Variants in XKR4 observed in about 807,000 individuals in gnomAD.
The protein encoded by XKR4 is XK-related protein 4.
In XKR4, 12 loss-of-function variants were observed where a neutral mutation model predicts 53.9. The observed-to-expected ratio is 0.22, with a 90% CI of 0.14 to 0.36. The LOEUF (loss-of-function observed/expected upper bound fraction) is 0.36. XKR4 is among the 10% of genes least tolerant of loss of function. XKR4 has a pLI of 1.00. For missense variants in XKR4, 799 were observed against 859.5 expected (o/e 0.93, Z 0.88); for synonymous variants, 354 against 362.4 (o/e 0.98, Z 0.26).
Position 55,541,994 on chromosome 8 carries a change from C to T in XKR4, c.*17767C>T, listed in dbSNP as rs1002092610. 3 of 151,348 alleles carry T rather than the reference C, an allele frequency of 2.0e-5. No homozygotes were observed. Among genetic ancestry groups the T allele is most frequent in the African/African-American group, 7.3e-5 (3 of 41,156 alleles). 9.4% of individuals were successfully genotyped at this position (151,348 alleles called of 1,614,324 possible). A position where few individuals can be genotyped will look rare whatever the true frequency, so the allele number is the denominator to read the frequency against. ...GTAGTACTTCATAATGAACAAATTT[C>T]CTTGGTTACATGGTTTTTCTTGTAA... On this transcript the variant is annotated 3_prime_UTR_variant, in exon 3 of 3. Coordinates refer to ENST00000327381, the MANE Select transcript of XKR4 (RefSeq NM_052898.2).
rs907444783 is a variant in XKR4 at position 55,530,183 on chromosome 8, G to A, written c.*5956G>A. 6.8e-6 allele frequency: 1 copy of A among 146,786 alleles called. No homozygotes were observed. The highest frequency in any genetic ancestry group is 1.5e-5 in the Non-Finnish European group (1 of 67,442). The allele number at this position is 146,786 out of a possible 1,614,324, so 9.1% of individuals were successfully genotyped here. On this transcript the variant is annotated 3_prime_UTR_variant, in exon 3 of 3. Coordinates refer to ENST00000327381, the MANE Select transcript of XKR4 (RefSeq NM_052898.2). Reference sequence around the variant, plus strand: ...AGGAAGGAAGGAAGGAAGGAAGGAAGGAAGGAAGGAAGGAAGGAAGGAAGG... The same window carrying A: ...AGGAAGGAAGGAAGGAAGGAAGGAAAGAAGGAAGGAAGGAAGGAAGGAAGG...
chr8:55,147,460 A>C (rs1816785478), intron 1 of XKR4, among the ~76,000 whole-genome samples: 1 of 152,160 alleles, frequency 6.6e-6, no homozygotes, highest in South Asian at 2.1e-4. Flanking sequence ...CTCTTTCAGT[A>C]ATTATGCCTT....
chr8:55,211,829 C>T (rs1817735876), intron 1 of XKR4, among the ~76,000 whole-genome samples: 1 of 152,170 alleles, frequency 6.6e-6, no homozygotes, highest in African/African-American at 2.4e-5. Flanking sequence ...TATTCTCAAG[C>T]AAATATGAGG....
chr8:55,525,010 A>G lies in XKR4; in HGVS notation c.*783A>G, dbSNP rs1806862677. 1 of 152,694 alleles carries G rather than the reference A, an allele frequency of 6.5e-6. No homozygotes were observed. The highest frequency in any genetic ancestry group is 2.1e-4 in the South Asian group (1 of 4,832). The allele number at this position is 152,694 out of a possible 1,614,324, so 9.5% of individuals were successfully genotyped here. The stretch of plus-strand genomic sequence containing the variant: ...ACTTCATGATGTAAATTAAATAGTA[A>G]TCATGATTCAGTATTCAATTGCAAA... On this transcript the variant is annotated 3_prime_UTR_variant, in exon 3 of 3. Coordinates refer to ENST00000327381, the MANE Select transcript of XKR4 (RefSeq NM_052898.2).
intron 1 of XKR4, among the ~76,000 whole-genome samples, chr8:55,155,751 G>A (rs137962191): frequency 0.012 from 1,819 of 152,110 alleles, 31 homozygotes; most frequent in Non-Finnish European, 0.016. Context: ...TTAGAATATC[G>A]GGGACAAAGA....
chr8:55,506,062 A>C (rs1806521962), intron 2 of XKR4, among the ~76,000 whole-genome samples: 1 of 152,244 alleles, frequency 6.6e-6, no homozygotes, highest in Admixed American at 6.5e-5. Flanking sequence ...AGTAGCCACC[A>C]TTTTATAACT....
At chr8:55,365,901 T>C (rs1585540497) in intron 2 of XKR4, among the ~76,000 whole-genome samples, 1 of 152,054 alleles carries the variant, frequency 6.6e-6, no homozygotes, top group Admixed American at 6.5e-5. Context: ...TGAGGAGTGC[T>C]GGGTGACAGA....
chr8:55,254,609 C>T (rs1218790916), intron 1 of XKR4, among the ~76,000 whole-genome samples: 1 of 152,146 alleles, frequency 6.6e-6, no homozygotes, highest in Admixed American at 6.5e-5. Context: ...TAGACAGTCT[C>T]GTTCCTGATG....
At chr8:55,123,003 TC>T (rs1248432656) in intron 1 of XKR4, among the ~76,000 whole-genome samples, 1 of 152,180 alleles carries the variant, frequency 6.6e-6, no homozygotes, top group African/African-American at 2.4e-5. Flanking sequence ...CTGACATTTA[TC>T]TGTTGGCTTG....
intron 1 of XKR4, among the ~76,000 whole-genome samples, chr8:55,223,119 A>G (rs925716163): frequency 3.3e-5 from 5 of 152,212 alleles, no homozygotes; most frequent in African/African-American, 9.6e-5. Context: ...CCCTGATGCT[A>G]TCAGCACAGG....
rs867658481 is a variant in XKR4 at position 55,523,666 on chromosome 8, C to T, written c.1392C>T (p.Ile464=). The T allele has an allele frequency of 1.2e-6, 2 of 1,614,180 alleles. No homozygotes were observed. The highest frequency in any genetic ancestry group is 1.7e-6 in the Non-Finnish European group (2 of 1,180,024). The change falls in exon 3 of 3, where the codon ATC becomes ATT. Residue 464 remains isoleucine, a synonymous_variant. Coordinates refer to ENST00000327381, the MANE Select transcript of XKR4 (RefSeq NM_052898.2). ...RCRLFIYYFV[I]LLENTALSAL... is the part of the protein sequence containing the mutation. ...GGCTATTCATTTACTATTTTGTGAT[C>T]CTTTTGGAAAATACAGCCTTGAGTG...
In XKR4 at chr8:55,357,770, C is replaced by T. The variant is rs762026156; in HGVS notation, c.899C>T (p.Ala300Val). 61 of 1,614,016 alleles carry T rather than the reference C, an allele frequency of 3.8e-5. No homozygotes were observed. Among genetic ancestry groups the T allele is most frequent in the South Asian group, 5.5e-5 (5 of 91,082 alleles). The change falls in exon 2 of 3, where the codon GCG becomes GTG. Residue 300 changes from alanine (A) to valine (V), a missense_variant. Physicochemically the swap from Ala to Val is moderately conservative, Grantham distance 64 (BLOSUM62 0). This residue lies in a region of XKR4 where 476 missense variants were observed against 505.4 expected (regional missense o/e 0.94). Coordinates refer to ENST00000327381, the MANE Select transcript of XKR4 (RefSeq NM_052898.2). ...TACTGGAAAATGGTATATGAGTATG[C>T]GGATGTGAGTATGCTGCATTTGCTA... ...RFYWKMVYEY[A>V]DVSMLHLLAT...
intron 1 of XKR4, among the ~76,000 whole-genome samples, chr8:55,281,080 A>G (rs1002563760): frequency 6.6e-6 from 1 of 152,200 alleles, no homozygotes; most frequent in African/African-American, 2.4e-5. Context: ...TCAAATGACA[A>G]TAGACACTAA....
chr8:55,391,286 C>G (rs995223677), intron 2 of XKR4, among the ~76,000 whole-genome samples: 6 of 152,164 alleles, frequency 3.9e-5, no homozygotes, highest in African/African-American at 1.4e-4. Context: ...ACACCTCCCA[C>G]AAATGAAGTG....
At chr8:55,509,283 G>A (rs1806587917) in intron 2 of XKR4, among the ~76,000 whole-genome samples, 1 of 152,148 alleles carries the variant, frequency 6.6e-6, no homozygotes. Context: ...TGCTTTAAGA[G>A]GTTGATTTGT....
chr8:55,347,364 TACATATA>T lies in XKR4; in HGVS notation c.807-10313_807-10307del, dbSNP rs147225185. 8.7e-3 allele frequency among the ~76,000 whole-genome samples: 1,324 copies of T among 152,292 alleles called. 46 individuals carry two copies. The East Asian group carries it at 0.11, about 13-fold the overall frequency. On this transcript the variant is annotated intron_variant, in intron 1 of 2. Transcript: ENST00000327381. Reference sequence around the variant, plus strand: ...TGCCTGTGTTGTGGAGGGGATGGGTTACATATAGGTGTCCGTGTGCATGGTGTAGTGG... The same window carrying T: ...TGCCTGTGTTGTGGAGGGGATGGGTTGGTGTCCGTGTGCATGGTGTAGTGG...
chr8:55,272,921 G>T (rs569030374), intron 1 of XKR4: 9 of 453,708 alleles, frequency 2.0e-5, no homozygotes, highest in South Asian at 1.4e-4. Context: ...CAACTATTGG[G>T]TATAAACTTC....
At chr8:55,267,872 G>C (rs1818633654) in intron 1 of XKR4, among the ~76,000 whole-genome samples, 1 of 152,180 alleles carries the variant, frequency 6.6e-6, no homozygotes, top group Middle Eastern at 3.2e-3. Context: ...GTAGGAAGAA[G>C]AGAAATCTCA....
intron 1 of XKR4, among the ~76,000 whole-genome samples, chr8:55,114,420 C>T (rs1034863108): frequency 6.6e-6 from 1 of 151,994 alleles, no homozygotes; most frequent in Non-Finnish European, 1.5e-5. Context: ...GCAGTTTGTG[C>T]ATGTTTGACT....
Sources: allele counts gnomAD v4.1 joint callset (sites outside exome capture counted in the v4.1 genomes callset), GRCh38; gene constraint gnomAD v4.1.1; regional missense constraint gnomAD v4.1.1; transcripts MANE v1.5; gene names NCBI Gene and HGNC (gene_info 2026-07-23, HGNC 2026-07-21).